Variants in PMS1 observed in about 807,000 individuals in gnomAD.
PMS1 encodes PMS1 homolog 1, mismatch repair system component.
In PMS1, 79 loss-of-function variants were observed where a neutral mutation model predicts 93.1. The ratio of observed to expected loss-of-function variants is 0.85; its 90% CI spans 0.71 to 1.02. The LOEUF (loss-of-function observed/expected upper bound fraction) is 1.02. PMS1 is among the 50% of genes least tolerant of loss of function. The probability of loss-of-function intolerance (pLI) is 0.00; values close to 1 mark genes in which losing one functional copy is unlikely to be tolerated. For missense variants in PMS1, 1,064 were observed against 1,085.3 expected (o/e 0.98, Z 0.28); for synonymous variants, 335 against 363.4 (o/e 0.92, Z 0.89).
intron 12 of PMS1, among the ~76,000 whole-genome samples, chr2:189,876,491 C>T (rs2057577829): frequency 6.6e-6 from 1 of 152,148 alleles, no homozygotes; most frequent in African/African-American, 2.4e-5. Context: ...ATTTCCTTTT[C>T]TTGTTCCTCT....
At chr2:189,828,233 T>G (rs765608461) in intron 5 of PMS1, among the ~76,000 whole-genome samples, 1 of 152,144 alleles carries the variant, frequency 6.6e-6, no homozygotes, top group Non-Finnish European at 1.5e-5. Flanking sequence ...CCAGGAAGAA[T>G]AAGTTCTTAT....
rs997119206 is a variant in PMS1, at chr2:189,859,469, A to G, written c.1857-4274A>G. On this transcript the variant is annotated intron_variant, in intron 9 of 12. Transcript: ENST00000441310. ...CAGTAGTTTCCAATTCTGGGTATGTACTGGAATCACCTATGGAGCTCTGTG... is the reference window on the plus strand; with the variant it reads ...CAGTAGTTTCCAATTCTGGGTATGTGCTGGAATCACCTATGGAGCTCTGTG... 3.3e-5 allele frequency among the ~76,000 whole-genome samples: 5 copies of G among 152,144 alleles called. No homozygotes were observed. The South Asian group carries it at 8.3e-4, about 25-fold the overall frequency.
chr2:189,813,514 AG>A (rs2051020114), intron 4 of PMS1, among the ~76,000 whole-genome samples: 1 of 152,210 alleles, frequency 6.6e-6, no homozygotes. Context: ...TTTTTGGAAA[AG>A]CAGCAGTTTT....
intron 2 of PMS1, among the ~76,000 whole-genome samples, chr2:189,795,409 G>C (rs2049262495): frequency 1.3e-5 from 2 of 152,168 alleles, no homozygotes; most frequent in South Asian, 4.1e-4. Context: ...GTTCTGTTTT[G>C]TTTTGGGGCC....
At chr2:189,864,918 A>G (rs1229027667) in intron 10 of PMS1, among the ~76,000 whole-genome samples, 1 of 150,774 alleles carries the variant, frequency 6.6e-6, no homozygotes, top group Non-Finnish European at 1.5e-5. Context: ...ACATTTTCAA[A>G]CACATAATAA....
rs751934617 is a variant in PMS1 at position 189,863,775 on chromosome 2, G to A, written c.1889G>A (p.Arg630Gln). 30 of 1,605,412 alleles carry A rather than the reference G, an allele frequency of 1.9e-5. No individual in the cohort carries two copies. Among genetic ancestry groups the A allele is most frequent in the African/African-American group, 9.4e-5 (7 of 74,632 alleles). Residue 630 changes from arginine (R) to glutamine (Q), a missense_variant, in exon 10 of 13, where the codon CGA (arginine) becomes CAA (glutamine). Physicochemically the swap from Arg to Gln is conservative, Grantham distance 43 (BLOSUM62 1). Coordinates refer to ENST00000441310, the MANE Select transcript of PMS1 (RefSeq NM_000534.5). The stretch of plus-strand genomic sequence containing the variant: ...GAGAAGGCTACTAAAGACTTGGAAC[G>A]ATACAATAGTCAAATGAAGAGAGCC... ...YEEKATKDLE[R>Q]YNSQMKRAIE... is the part of the protein sequence containing the mutation.
At chr2:189,825,821 T>C (rs1185244045) in intron 5 of PMS1, among the ~76,000 whole-genome samples, 1 of 152,140 alleles carries the variant, frequency 6.6e-6, no homozygotes, top group Non-Finnish European at 1.5e-5. Context: ...CTTATTGAGA[T>C]GTTGGTTTTC....
rs774104441 is a variant in PMS1, at chr2:189,855,117, G to T, written c.1845G>T (p.Glu615Asp). 1.1e-5 allele frequency: 17 copies of T among 1,612,900 alleles called. No individual in the cohort carries two copies. The highest frequency in any genetic ancestry group is 1.4e-5 in the Non-Finnish European group (16 of 1,179,270). Residue 615 changes from glutamate (E) to aspartate (D), a missense_variant, in exon 9 of 13, where the codon GAG (glutamate) becomes GAT (aspartate). Physicochemically the swap from Glu to Asp is conservative, Grantham distance 45. Transcript: ENST00000441310. ...IEELWKTLSE[E>D]EKLKYEEKAT... ...AACTGTGGAAGACATTGAGTGAAGA[G>T]GAAAAACTGAAGTAAGTTTCCAGAG...
intron 4 of PMS1, chr2:189,806,113 G>T: frequency 2.3e-6 from 1 of 428,342 alleles, no homozygotes; most frequent in Non-Finnish European, 4.0e-6. Context: ...GGTAATAGTG[G>T]AAATAAACGA....
chr2:189,823,041 G>C (rs1184816737), intron 5 of PMS1, among the ~76,000 whole-genome samples: 1 of 151,986 alleles, frequency 6.6e-6, no homozygotes, highest in Non-Finnish European at 1.5e-5. Flanking sequence ...GATTACAAAT[G>C]AATATTATAA....
chr2:189,868,671 C>T (rs570744694), intron 11 of PMS1, among the ~76,000 whole-genome samples: 8 of 152,162 alleles, frequency 5.3e-5, no homozygotes, highest in African/African-American at 1.7e-4. Flanking sequence ...AAACAGAGCT[C>T]GACCAAAATA....
intron 5 of PMS1, among the ~76,000 whole-genome samples, chr2:189,822,910 A>C (rs563465521): frequency 6.6e-6 from 1 of 152,322 alleles, no homozygotes; most frequent in African/African-American, 2.4e-5. Context: ...TAGAGTTAAA[A>C]TATTTTGTTG....
rs371000056 is a variant in PMS1, at chr2:189,863,788, A to G, written c.1902A>G (p.Gln634=). ...ATKDLERYNS[Q]MKRAIEQESQ... Reference sequence around the variant, plus strand: ...AAGACTTGGAACGATACAATAGTCAAATGAAGAGAGCCATTGAACAGGAGT... The same window carrying G: ...AAGACTTGGAACGATACAATAGTCAGATGAAGAGAGCCATTGAACAGGAGT... The change falls in exon 10 of 13, where the codon CAA becomes CAG. Residue 634 remains glutamine, a synonymous_variant. Transcript: ENST00000441310. 3 of 1,610,640 alleles carry G rather than the reference A, an allele frequency of 1.9e-6. No individual in the cohort carries two copies. Among genetic ancestry groups the G allele is most frequent in the Non-Finnish European group, 2.5e-6 (3 of 1,176,826 alleles).
chr2:189,790,201 G>T (rs2048724657), intron 1 of PMS1, among the ~76,000 whole-genome samples: 1 of 152,132 alleles, frequency 6.6e-6, no homozygotes, highest in South Asian at 2.1e-4. Context: ...AACTCTAAAG[G>T]AGCTCAGTGA....
intron 4 of PMS1, among the ~76,000 whole-genome samples, chr2:189,816,000 C>A (rs559239407): frequency 6.6e-6 from 1 of 152,268 alleles, no homozygotes; most frequent in Admixed American, 6.5e-5. Flanking sequence ...AACTCCTGGG[C>A]TCAAGGGATC....
intron 1 of PMS1, chr2:189,785,352 C>T (rs1382362304): frequency 6.6e-6 from 1 of 152,166 alleles, no homozygotes; most frequent in Non-Finnish European, 1.5e-5. Context: ...TTAGGCACAC[C>T]TGTTGTCCTT....
chr2:189,817,860 G>A (rs3791772), intron 4 of PMS1, among the ~76,000 whole-genome samples, 157 bp from the exon 5 acceptor site: 5,160 of 152,222 alleles, frequency 0.034, 100 homozygotes, highest in South Asian at 0.063. Flanking sequence ...GTCTAGCATG[G>A]AATCAGAGTA....
At chr2:189,873,288 G>A (rs1575403824) in intron 11 of PMS1, among the ~76,000 whole-genome samples, 3 of 152,170 alleles carry the variant, frequency 2.0e-5, no homozygotes, top group East Asian at 3.9e-4. Flanking sequence ...ATTATATAAA[G>A]CACATGTGGT....
intron 5 of PMS1, among the ~76,000 whole-genome samples, chr2:189,840,393 A>G (rs1258656376): frequency 2.6e-5 from 4 of 152,212 alleles, no homozygotes; most frequent in Non-Finnish European, 5.9e-5. Context: ...TGTGATTGGT[A>G]CAAGAGTAGG....
Sources: gnomAD v4.1 joint callset for allele counts (sites outside exome capture counted in the v4.1 genomes callset) on GRCh38, gnomAD v4.1.1 for gene constraint, MANE v1.5 for transcripts, NCBI Gene and HGNC (gene_info 2026-07-23, HGNC 2026-07-21) for gene names.